The following SLC2A14 variants were observed in gnomAD, a reference collection of about 807,000 sequenced individuals.
SLC2A14 encodes solute carrier family 2, facilitated glucose transporter member 14.
A neutral mutation model predicts 43.0 loss-of-function variants in SLC2A14; 13 were observed. The ratio of observed to expected loss-of-function variants is 0.30; its 90% CI spans 0.20 to 0.48. The LOEUF (loss-of-function observed/expected upper bound fraction) is 0.48. Among genes scored for constraint, SLC2A14 ranks in the 20% least tolerant of loss-of-function variants. The pLI is 0.99. For synonymous variants in SLC2A14, 190 were observed against 233.8 expected (o/e 0.81, Z 1.71); for missense variants, 428 against 620.4 (o/e 0.69, Z 3.29).
At chr12:7,878,268 G>A (rs1413577450), upstream of SLC2A14, among the ~76,000 whole-genome samples, 1 of 150,814 alleles carries the variant, frequency 6.6e-6, no homozygotes, top group Non-Finnish European at 1.5e-5. Context: ...CCAGGCTGGT[G>A]TCAAACTCCT....
chr12:7,822,668 C>CAAAA (rs56052601), intron 7 of SLC2A14, among the ~76,000 whole-genome samples: 1 of 119,230 alleles, frequency 8.4e-6, no homozygotes. Flanking sequence ...GACTCCATCT[C>CAAAA]AAAAAAAAAA....
chr12:7,837,467 A>G (rs1162840211), intron 2 of SLC2A14, among the ~76,000 whole-genome samples: 1 of 151,900 alleles, frequency 6.6e-6, no homozygotes, highest in Non-Finnish European at 1.5e-5. Context: ...TGGAGAAACA[A>G]CATCTCTACT....
intron 7 of SLC2A14, among the ~76,000 whole-genome samples, chr12:7,825,724 T>C (rs1201713477): frequency 4.3e-5 from 6 of 140,828 alleles, no homozygotes; most frequent in African/African-American, 1.4e-4. Flanking sequence ...ATTGCATCAC[T>C]GCACTCTAGC....
intron 7 of SLC2A14, among the ~76,000 whole-genome samples, chr12:7,825,084 G>A (rs1460962435): frequency 6.6e-6 from 1 of 152,056 alleles, no homozygotes; most frequent in Middle Eastern, 3.2e-3. Context: ...CCATAATTCC[G>A]GTGCAGCTAA....
intron 8 of SLC2A14, among the ~76,000 whole-genome samples, chr12:7,820,997 G>C (rs1863865026): frequency 6.6e-6 from 1 of 152,116 alleles, no homozygotes; most frequent in Non-Finnish European, 1.5e-5. Flanking sequence ...TGAGGCAGGA[G>C]AATCACTTGA....
rs1381199343 is a variant in SLC2A14 at position 7,890,995 on chromosome 12, C to T, written c.132+1G>A. 4.6e-6 allele frequency: 7 copies of T among 1,534,186 alleles called. No individual in the cohort carries two copies. The highest frequency in any genetic ancestry group is 6.1e-6 in the Non-Finnish European group (7 of 1,146,088). On this transcript the variant is annotated splice_donor_variant, in intron 1 of 9. Coordinates refer to the SLC2A14 transcript ENST00000539924. LOFTEE classifies it high-confidence loss of function. ...AGCATGATCTATCTAGTTCCACTTA[C>T]CTCCTCCCCGACGCCCCCATTCTGA...
At chr12:7,885,793 G>A (rs151280994) in intron 1 of SLC2A14, among the ~76,000 whole-genome samples, 213 of 152,074 alleles carry the variant, frequency 1.4e-3, no homozygotes, top group African/African-American at 4.9e-3. Context: ...GATGCTCATC[G>A]TGGAAAAAGG....
chr12:7,858,466 T>A (rs1406490151), intron 2 of SLC2A14, among the ~76,000 whole-genome samples: 2 of 152,166 alleles, frequency 1.3e-5, no homozygotes, highest in Non-Finnish European at 2.9e-5. Context: ...TTCACTTTCT[T>A]GGGTATCCTT....
At chr12:7,875,135 T>TTAAATATTATATTTAAATTTAAATATATA (rs1945435477), upstream of SLC2A14, among the ~76,000 whole-genome samples, 1 of 109,452 alleles carries the variant, frequency 9.1e-6, no homozygotes, top group East Asian at 2.3e-4. Context: ...TTAAATATAT[T>TTAAATATTATATTTAAATTTAAATATATA]TAAATATTAT....
At chr12:7,827,077 T>TTCTTTCTCTCTCTC (rs1864545292) in intron 7 of SLC2A14, among the ~76,000 whole-genome samples, 15 of 43,090 alleles carry the variant, frequency 3.5e-4, no homozygotes, top group Middle Eastern at 0.016. Flanking sequence ...CTCTCTCTCT[T>TTCTTTCTCTCTCTC]TCTTTCTTTC....
At position 7,830,547 on chromosome 12, in the gene SLC2A14, G is replaced by A. The variant is rs751522199; in HGVS notation, c.273-541C>T. Among the ~76,000 whole-genome samples, 27 of 152,134 alleles carry A rather than the reference G, an allele frequency of 1.8e-4. No homozygotes were observed. In the East Asian group the frequency reaches 5.2e-3, roughly 30 times the overall value. ...GCTACTCAGGGAGCTGAGGTGTGAG[G>A]ATTGCTTGAGACTGGGAGGTCGAGG... On this transcript the variant is annotated intron_variant, in intron 4 of 10. Transcript: ENST00000431042.
Position 7,827,774 on chromosome 12 carries a change from G to A in SLC2A14, c.677-92C>T, listed in dbSNP as rs113734790. 3.0e-5 allele frequency: 45 copies of A among 1,516,254 alleles called. 1 individual carries two copies. In the Middle Eastern group the frequency reaches 7.1e-4, roughly 24 times the overall value. The allele number at this position is 1,516,254 out of a possible 1,614,324, so 93.9% of individuals were successfully genotyped here. On this transcript the variant is annotated intron_variant, in intron 6 of 10. Transcript: ENST00000431042. Reference sequence around the variant, plus strand: ...GGCAGCCAGGAAAGGGCCGCACGAGGTGAGGTGATGGGTAGCATCCATTCC... The same window carrying A: ...GGCAGCCAGGAAAGGGCCGCACGAGATGAGGTGATGGGTAGCATCCATTCC...
At chr12:7,890,953 T>G (rs1425948613) in intron 1 of SLC2A14, 8 of 1,508,660 alleles carry the variant, frequency 5.3e-6, no homozygotes, top group Non-Finnish European at 7.1e-6. Flanking sequence ...ATCCTCGACA[T>G]GGACTACCTG....
intron 2 of SLC2A14, among the ~76,000 whole-genome samples, chr12:7,868,685 T>C (rs1945053337): frequency 1.3e-5 from 2 of 152,164 alleles, no homozygotes; most frequent in South Asian, 2.1e-4. Flanking sequence ...TAACTTGTTT[T>C]GTTAGAGAAA....
chr12:7,859,331 G>A (rs1004235825), intron 2 of SLC2A14, among the ~76,000 whole-genome samples: 6 of 151,908 alleles, frequency 3.9e-5, no homozygotes, highest in Admixed American at 6.6e-5. Context: ...CAGTGGTTGC[G>A]ATGAGCCAAG....
chr12:7,879,719 T>C (rs972330340), intron 1 of SLC2A14, among the ~76,000 whole-genome samples: 2 of 151,366 alleles, frequency 1.3e-5, no homozygotes, highest in African/African-American at 4.9e-5. Context: ...CAACAAGTTT[T>C]TTAGGCCAGG....
At chr12:7,870,523 C>T (rs1397831016) in intron 1 of SLC2A14, among the ~76,000 whole-genome samples, 4 of 152,012 alleles carry the variant, frequency 2.6e-5, no homozygotes, top group African/African-American at 7.2e-5. Flanking sequence ...TGCTGAGATA[C>T]GTTATGTTGA....
chr12:7,883,590 C>CTTTT (rs1204450230), intron 1 of SLC2A14, among the ~76,000 whole-genome samples: 79 of 95,190 alleles, frequency 8.3e-4, no homozygotes, highest in African/African-American at 1.6e-3. Context: ...TTTTTCTTTT[C>CTTTT]TTTTTTTTTT....
intron 2 of SLC2A14, among the ~76,000 whole-genome samples, chr12:7,841,544 A>G (rs888257549): frequency 6.6e-6 from 1 of 152,190 alleles, no homozygotes; most frequent in Non-Finnish European, 1.5e-5. Context: ...TACAGGCGTG[A>G]GCCAGCTCGC....
Sources: gnomAD v4.1 joint callset for allele counts (sites outside exome capture counted in the v4.1 genomes callset) on GRCh38, gnomAD v4.1.1 for gene constraint, MANE v1.5 for transcripts, NCBI Gene and HGNC (gene_info 2026-07-23, HGNC 2026-07-21) for gene names.